NRXN3: variants seen among roughly 807,000 people sequenced by gnomAD.
NRXN3 encodes the protein neurexin III.
Under a neutral mutation model 137.6 loss-of-function variants are expected in NRXN3, and 32 were observed. The observed-to-expected ratio is 0.23, with a 90% confidence interval of 0.18 to 0.31. The LOEUF (loss-of-function observed/expected upper bound fraction) is 0.31, where lower values mean the gene tolerates loss of function less well. NRXN3 is among the 10% of genes least tolerant of loss of function. The pLI, the probability that NRXN3 is intolerant of heterozygous loss-of-function variation, is 1.00. For missense variants in NRXN3, 1,574 were observed against 2,062.5 expected (o/e 0.76, Z 4.59); for synonymous variants, 798 against 784.5 (o/e 1.02, Z -0.29).
chr14:78,599,581 G>A (rs1285750725), intron 4 of NRXN3, among the ~76,000 whole-genome samples: 1 of 152,116 alleles, frequency 6.6e-6, no homozygotes, highest in Non-Finnish European at 1.5e-5. Flanking sequence ...GATCACCATT[G>A]ATTCCTTTTC....
intron 8 of NRXN3, among the ~76,000 whole-genome samples, chr14:78,735,139 A>G (rs936378773): frequency 1.3e-5 from 2 of 152,204 alleles, no homozygotes; most frequent in South Asian, 2.1e-4. Flanking sequence ...TGAGATATTT[A>G]TAGAAGATCC....
chr14:78,895,113 T>C (rs1200580594), intron 10 of NRXN3, among the ~76,000 whole-genome samples: 1 of 151,730 alleles, frequency 6.6e-6, no homozygotes, highest in African/African-American at 2.4e-5. Flanking sequence ...CCCCCAACAA[T>C]ATAGTCAGCC....
intron 16 of NRXN3, among the ~76,000 whole-genome samples, chr14:79,612,205 T>C (rs562767459): frequency 2.0e-5 from 3 of 152,340 alleles, no homozygotes; most frequent in Non-Finnish European, 2.9e-5. Flanking sequence ...TATTTCACCC[T>C]ATTACTATTA....
At chr14:78,931,563 T>A (rs1180293737) in intron 10 of NRXN3, among the ~76,000 whole-genome samples, 3 of 152,084 alleles carry the variant, frequency 2.0e-5, no homozygotes, top group Non-Finnish European at 4.4e-5. Flanking sequence ...GTATTAATAG[T>A]CCCATTTTAC....
intron 17 of NRXN3, among the ~76,000 whole-genome samples, chr14:79,676,446 A>G (rs114441259): frequency 1.7e-4 from 26 of 151,998 alleles, no homozygotes; most frequent in African/African-American, 6.0e-4. Context: ...GTGAGATTGT[A>G]TAGTATTTTT....
At chr14:79,845,377 C>G (rs1159449369) in intron 20 of NRXN3, among the ~76,000 whole-genome samples, 2 of 152,252 alleles carry the variant, frequency 1.3e-5, no homozygotes, top group African/African-American at 2.4e-5. Context: ...TTTCAGCTTT[C>G]AACATGCCTT....
chr14:79,603,026 A>G (rs1336757104), intron 16 of NRXN3, among the ~76,000 whole-genome samples: 1 of 152,162 alleles, frequency 6.6e-6, no homozygotes, highest in Non-Finnish European at 1.5e-5. Context: ...CTGATCAACC[A>G]GTAGCCACAC....
At chr14:79,458,855 C>T (rs1265323756) in intron 15 of NRXN3, among the ~76,000 whole-genome samples, 1 of 152,092 alleles carries the variant, frequency 6.6e-6, no homozygotes, top group East Asian at 1.9e-4. Flanking sequence ...TCTGACCTTA[C>T]TTTATTCACT....
intron 14 of NRXN3, among the ~76,000 whole-genome samples, chr14:78,985,309 A>T (rs1479454585): frequency 1.3e-5 from 2 of 152,244 alleles, no homozygotes; most frequent in African/African-American, 4.8e-5. Context: ...GATTTCTAAT[A>T]GCAAGCAGCT....
chr14:78,694,326 T>C (rs1209324950), intron 6 of NRXN3, among the ~76,000 whole-genome samples: 2 of 152,022 alleles, frequency 1.3e-5, no homozygotes, highest in East Asian at 3.9e-4. Context: ...TATGTCTGTT[T>C]CTTTTAATAG....
chr14:79,761,222 GCTC>G (rs1022750491), intron 19 of NRXN3, among the ~76,000 whole-genome samples: 1 of 151,614 alleles, frequency 6.6e-6, no homozygotes, highest in Non-Finnish European at 1.5e-5. Context: ...TCATCCGACG[GCTC>G]CTCTTCCTTT....
chr14:79,380,887 G>A (rs2094451582), intron 15 of NRXN3, among the ~76,000 whole-genome samples: 1 of 152,086 alleles, frequency 6.6e-6, no homozygotes, highest in African/African-American at 2.4e-5. Context: ...AACATAATCT[G>A]TGACTGTGTG....
intron 4 of NRXN3, among the ~76,000 whole-genome samples, chr14:78,312,812 G>A (rs907239626): frequency 2.0e-5 from 3 of 152,088 alleles, no homozygotes; most frequent in African/African-American, 4.8e-5. Context: ...GCTCTCAAGT[G>A]TCAAAGTCAT....
intron 4 of NRXN3, among the ~76,000 whole-genome samples, chr14:78,503,985 A>G (rs1043136520): frequency 6.6e-6 from 1 of 152,212 alleles, no homozygotes; most frequent in Non-Finnish European, 1.5e-5. Flanking sequence ...CTCTAGTCAC[A>G]TAAGTATGGC....
intron 10 of NRXN3, among the ~76,000 whole-genome samples, chr14:78,947,133 G>C (rs2099367048): frequency 6.6e-6 from 1 of 152,102 alleles, no homozygotes; most frequent in Admixed American, 6.5e-5. Context: ...GCATACACCA[G>C]ATGCTAAGAG....
At chr14:79,011,441 A>C (rs1428650130) in intron 15 of NRXN3, among the ~76,000 whole-genome samples, 2 of 148,110 alleles carry the variant, frequency 1.4e-5, no homozygotes, top group East Asian at 4.0e-4. Flanking sequence ...AAAAAAAAAA[A>C]AAAAAACAAT....
At chr14:78,812,467 A>C (rs999598594) in intron 10 of NRXN3, among the ~76,000 whole-genome samples, 1 of 152,216 alleles carries the variant, frequency 6.6e-6, no homozygotes, top group African/African-American at 2.4e-5. Context: ...TTTGGAGAAC[A>C]GGGAACTGAG....
At position 78,662,019 on chromosome 14, in the gene NRXN3, G is replaced by A. The variant is rs145613021; in HGVS notation, c.1221+10693G>A. ...GTCTCCGAAGTAGCTGGGATTACAGGCATGTGCCACCACACCCAGCTAATT... is the reference window on the plus strand; with the variant it reads ...GTCTCCGAAGTAGCTGGGATTACAGACATGTGCCACCACACCCAGCTAATT... On this transcript the variant is annotated intron_variant, in intron 6 of 20. Coordinates refer to ENST00000335750, the MANE Select transcript of NRXN3 (RefSeq NM_001330195.2). Among the ~76,000 whole-genome samples, 601 of 150,706 alleles carry A rather than the reference G, an allele frequency of 4.0e-3. 6 individuals carry two copies. Among genetic ancestry groups the A allele is most frequent in the African/African-American group, 0.013 (548 of 41,324 alleles).
chr14:79,054,165 T>C (rs1180685233), intron 15 of NRXN3, among the ~76,000 whole-genome samples: 1 of 52,482 alleles, frequency 1.9e-5, no homozygotes, highest in Non-Finnish European at 3.5e-5. Context: ...TGTTGTGGGG[T>C]GGGGGGAGGG....
Sources: gnomAD v4.1 joint callset for allele counts (sites outside exome capture counted in the v4.1 genomes callset) on GRCh38, gnomAD v4.1.1 for gene constraint, MANE v1.5 for transcripts, NCBI Gene and HGNC (gene_info 2026-07-23, HGNC 2026-07-21) for gene names.